Variants in TNS4 observed in about 807,000 individuals in gnomAD.
TNS4 encodes tensin 4, also known as tensin-4.
In TNS4, 46 loss-of-function variants were observed where a neutral mutation model predicts 70.4. That is an observed-to-expected ratio of 0.65 (90% CI 0.52 to 0.84). The LOEUF is 0.84. Ranked by LOEUF, TNS4 falls within the 40% of genes least tolerant of loss-of-function variation. TNS4 has a pLI of 0.00. For synonymous variants in TNS4, 390 were observed against 366.6 expected (o/e 1.06, Z -0.73); for missense variants, 863 against 907.0 (o/e 0.95, Z 0.62).
intron 8 of TNS4, chr17:40,481,002 C>A (rs951116664): frequency 1.2e-5 from 6 of 517,300 alleles, no homozygotes; most frequent in Non-Finnish European, 2.0e-5. Context: ...CTCGCCCCCC[C>A]ACCTCTTAGA....
chr17:40,483,174 C>A (rs1341465220), intron 6 of TNS4, among the ~76,000 whole-genome samples: 1 of 152,108 alleles, frequency 6.6e-6, no homozygotes, highest in East Asian at 1.9e-4. Flanking sequence ...AACTCCTGAG[C>A]TCAAGCAGTT....
chr17:40,484,405 G>A, intron 6 of TNS4, 79 bp downstream of exon 6: 1 of 1,567,372 alleles, frequency 6.4e-7, no homozygotes, highest in Non-Finnish European at 8.6e-7. Context: ...CTGAAAGCTA[G>A]TGCCAGAGCC....
At chr17:40,484,453 G>A in intron 6 of TNS4, 31 bp downstream of exon 6, 9 of 1,605,114 alleles carry the variant, frequency 5.6e-6, no homozygotes, top group South Asian at 1.1e-5. Context: ...CCTCAGTGAG[G>A]CCTTGAGTGA....
chr17:40,487,096 G>C lies in TNS4; in HGVS notation c.1228C>G (p.Pro410Ala), dbSNP rs1251741934. Residue 410 changes from proline to alanine, a missense_variant, in exon 4 of 13, where the codon CCA (proline) becomes GCA (alanine). Pro to Ala is a conservative substitution (Grantham distance 27, BLOSUM62 -1). Coordinates refer to ENST00000254051, the MANE Select transcript of TNS4 (RefSeq NM_032865.6). ...PGAASPSNPC[P>A]ATRSNSQTLS... ...GTCTGGCTGTTGCTCCTGGTGGCTG[G>C]ACAGGGGTTGCTGGGAGAAGCAGCT... 1.2e-6 allele frequency: 2 copies of C among 1,614,116 alleles called. No individual in the cohort carries two copies. Among genetic ancestry groups the C allele is most frequent in the African/African-American group, 2.7e-5 (2 of 74,934 alleles).
chr17:40,496,257 C>T lies in TNS4; in HGVS notation c.169G>A (p.Val57Met), dbSNP rs147274319. The change falls in exon 2 of 13, where the codon GTG becomes ATG. Residue 57 changes from valine (V) to methionine (M), a missense_variant. Coordinates refer to ENST00000254051, the MANE Select transcript of TNS4 (RefSeq NM_032865.6). ...CGGCCAGGGGGCCCCATGCAGGGCACGGGGGCCATCAGGGCCTGGGCTCCC... is the reference window on the plus strand; with the variant it reads ...CGGCCAGGGGGCCCCATGCAGGGCATGGGGGCCATCAGGGCCTGGGCTCCC... ...GWGAQALMAPVPCMGPPGRLQ... is the reference protein window; with the variant it reads ...GWGAQALMAPMPCMGPPGRLQ... 6.5e-5 allele frequency: 105 copies of T among 1,603,240 alleles called. No individual in the cohort carries two copies. The highest frequency in any genetic ancestry group is 6.2e-4 in the East Asian group (28 of 44,816).
In TNS4 at chr17:40,496,235, C is replaced by T. The variant is rs764518388; in HGVS notation, c.191G>A (p.Gly64Asp). ...MAPVPCMGPP[G>D]RLQQAPQVEA... ...CACCTGTGGGGCTTGCTGGAGTCGG[C>T]CAGGGGGCCCCATGCAGGGCACGGG... The change falls in exon 2 of 13, where the codon GGC (glycine) becomes GAC (aspartate). Residue 64 changes from glycine (G) to aspartate (D), a missense_variant. Gly to Asp is a moderately conservative substitution (Grantham distance 94, BLOSUM62 -1). Coordinates refer to ENST00000254051, the MANE Select transcript of TNS4 (RefSeq NM_032865.6). The T allele has an allele frequency of 4.8e-5, 77 of 1,593,564 alleles. No homozygotes were observed. The highest frequency in any genetic ancestry group is 1.7e-4 in the Middle Eastern group (1 of 5,974).
Position 40,477,454 on chromosome 17 carries a change from A to G in TNS4, c.*134T>C. On this transcript the variant is annotated 3_prime_UTR_variant, in exon 13 of 13. Coordinates refer to ENST00000254051, the MANE Select transcript of TNS4 (RefSeq NM_032865.6). The stretch of plus-strand genomic sequence containing the variant: ...GGCCATAGCAGGTTCAAGGGTGTCA[A>G]CTTGATGCCAATCCCCCTAGTCCCA... The G allele has an allele frequency of 7.8e-7, 1 of 1,275,126 alleles. No individual in the cohort carries two copies. Among genetic ancestry groups the G allele is most frequent in the Non-Finnish European group, 1.1e-6 (1 of 930,876 alleles). 79.0% of individuals were successfully genotyped at this position (1,275,126 alleles called of 1,614,324 possible). A position where few individuals can be genotyped will look rare whatever the true frequency, so the allele number is the denominator to read the frequency against.
intron 2 of TNS4, among the ~76,000 whole-genome samples, chr17:40,493,630 G>C (rs931329795): frequency 2.6e-5 from 4 of 152,216 alleles, no homozygotes; most frequent in Non-Finnish European, 5.9e-5. Context: ...CCAGGGCACA[G>C]AGAGGCAGCT....
chr17:40,499,334 G>C (rs2036182871), intron 1 of TNS4, among the ~76,000 whole-genome samples: 2 of 152,192 alleles, frequency 1.3e-5, no homozygotes, highest in African/African-American at 4.8e-5. Flanking sequence ...AAAAGGGACA[G>C]GAAATGCTCA....
In TNS4 at chr17:40,496,343, A is replaced by T; in HGVS notation, c.83T>A (p.Leu28Gln). 1 of 1,613,538 alleles carries T rather than the reference A, an allele frequency of 6.2e-7. No homozygotes were observed. Among genetic ancestry groups the T allele is most frequent in the Non-Finnish European group, 8.5e-7 (1 of 1,179,904 alleles). The change falls in exon 2 of 13, where the codon CTG becomes CAG. Residue 28 changes from leucine to glutamine, a missense_variant. Physicochemically the swap from Leu to Gln is moderately radical, Grantham distance 113. Transcript: ENST00000254051. The part of the protein sequence containing the change: ...LAPCDEPRRT[L>Q]HPAPSPSLPP... ...CAGGCTGGGGCTGGGTGCTGGGTGC[A>T]GGGTCCTCCTGGGCTCATCACAAGG...
chr17:40,483,590 C>T (rs72819651), intron 6 of TNS4, among the ~76,000 whole-genome samples: 5,095 of 152,268 alleles, frequency 0.033, 109 homozygotes, highest in South Asian at 0.088. Flanking sequence ...GCTGGAGCCA[C>T]GCTGGCCCCG....
At position 40,476,418 on chromosome 17, in the gene TNS4, GTGTGTGTGTGT is replaced by G. The variant is rs2035849657; in HGVS notation, c.*1159_*1169del. 1 of 148,008 alleles carries G rather than the reference GTGTGTGTGTGT, an allele frequency of 6.8e-6. No individual in the cohort carries two copies. The highest frequency in any genetic ancestry group is 1.5e-5 in the Non-Finnish European group (1 of 68,678). 9.2% of individuals were successfully genotyped at this position (148,008 alleles called of 1,614,324 possible). ...TGTGTGTGTGTGTGTGTGTGTGTGT[GTGTGTGTGTGT>G]TGGAGCGTGGGTTGGGGGAGGGCTC... On this transcript the variant is annotated 3_prime_UTR_variant, in exon 13 of 13. Coordinates refer to ENST00000254051, the MANE Select transcript of TNS4 (RefSeq NM_032865.6).
In TNS4 at chr17:40,477,793, G is replaced by A. The variant is rs989818092; in HGVS notation, c.2007-64C>T. On this transcript the variant is annotated intron_variant, in intron 12 of 12. Transcript: ENST00000254051. ...AGGGAGGCATCAGGCTGGTGGGAAT[G>A]GGGTGGTGGGGGGCCCTCAGCCTGC... 1.4e-5 allele frequency: 21 copies of A among 1,489,292 alleles called. No homozygotes were observed. The South Asian group carries it at 2.5e-4, about 17-fold the overall frequency. The allele number at this position is 1,489,292 out of a possible 1,614,324, so 92.3% of individuals were successfully genotyped here. A position where few individuals can be genotyped will look rare whatever the true frequency, so the allele number is the denominator to read the frequency against.
Position 40,476,429 on chromosome 17 carries a change from T to TGTGTGTGTGTGTGTG in TNS4, c.*1158_*1159insCACACACACACACAC, listed in dbSNP as rs2035850100. 7.3e-5 allele frequency: 6 copies of TGTGTGTGTGTGTGTG among 81,894 alleles called. No individual in the cohort carries two copies. The highest frequency in any genetic ancestry group is 4.3e-4 in the Admixed American group (4 of 9,228). The allele number at this position is 81,894 out of a possible 1,614,324, so 5.1% of individuals were successfully genotyped here. A position where few individuals can be genotyped will look rare whatever the true frequency, so the allele number is the denominator to read the frequency against. On this transcript the variant is annotated 3_prime_UTR_variant, in exon 13 of 13. Coordinates refer to ENST00000254051, the MANE Select transcript of TNS4 (RefSeq NM_032865.6). ...GTGTGTGTGTGTGTGTGTGTGTGTGTTGGAGCGTGGGTTGGGGGAGGGCTC... is the reference window on the plus strand; with the variant it reads ...GTGTGTGTGTGTGTGTGTGTGTGTGTGTGTGTGTGTGTGTGTGGAGCGTGGGTTGGGGGAGGGCTC...
intron 2 of TNS4, among the ~76,000 whole-genome samples, chr17:40,491,597 C>G (rs1337944415): frequency 6.6e-6 from 1 of 152,138 alleles, no homozygotes; most frequent in East Asian, 1.9e-4. Flanking sequence ...AAGCTCTGGG[C>G]TCCCTACTCA....
chr17:40,477,695 GCT>G lies in TNS4; in HGVS notation c.2039_2040del (p.Glu680AlafsTer13), dbSNP rs756220414. ...IFGFVAKSQT[E>X]PQENVCHLFA... ...AAGAGGTGGCATACGTTCTCCTGAG[GCT>G]CTGTCTGGCTCTTGGCCACAAACCC... On this transcript the variant is annotated frameshift_variant, in exon 13 of 13. Transcript: ENST00000254051. LOFTEE classifies it high-confidence loss of function. 1 of 1,613,960 alleles carries G rather than the reference GCT, an allele frequency of 6.2e-7. No homozygotes were observed.
intron 1 of TNS4, among the ~76,000 whole-genome samples, chr17:40,496,901 C>T (rs568727704): frequency 6.6e-6 from 1 of 152,244 alleles, no homozygotes; most frequent in African/African-American, 2.4e-5. Context: ...TAATTATTAT[C>T]CACATAAGCT....
In TNS4 at chr17:40,477,554, GAGGTGTTGGTT is replaced by G; in HGVS notation, c.*23_*33del. On this transcript the variant is annotated 3_prime_UTR_variant, in exon 13 of 13. Coordinates refer to ENST00000254051, the MANE Select transcript of TNS4 (RefSeq NM_032865.6). ...AGGGGGGCTCCTTAGCGAGCCCCTG[GAGGTGTTGGTT>G]AGGTGCACAGGCAGTCTCTCCCCTA... 1 of 1,612,172 alleles carries G rather than the reference GAGGTGTTGGTT, an allele frequency of 6.2e-7. No homozygotes were observed.
At chr17:40,497,627 TAAAC>T (rs1017842098) in intron 1 of TNS4, among the ~76,000 whole-genome samples, 10 of 151,208 alleles carry the variant, frequency 6.6e-5, no homozygotes, top group East Asian at 5.8e-4. Context: ...AACAAATAAA[TAAAC>T]AAAGTAGAGG....
Sources: allele counts gnomAD v4.1 joint callset (sites outside exome capture counted in the v4.1 genomes callset), GRCh38; gene constraint gnomAD v4.1.1; transcripts MANE v1.5; gene names NCBI Gene and HGNC (gene_info 2026-07-23, HGNC 2026-07-21).